PAX6: variants seen among roughly 807,000 people sequenced by gnomAD.
PAX6 encodes the protein paired box 6, also known as paired box protein Pax-6.
Under a neutral mutation model 60.7 loss-of-function variants are expected in PAX6, and 7 were observed. The observed-to-expected ratio is 0.12, with a 90% CI of 0.07 to 0.22. The LOEUF (loss-of-function observed/expected upper bound fraction) is 0.22, where lower values mean the gene tolerates loss of function less well. PAX6 is among the 10% of genes least tolerant of loss of function. The probability of loss-of-function intolerance (pLI) is 1.00; values close to 1 mark genes in which losing one functional copy is unlikely to be tolerated. For missense variants in PAX6, 355 were observed against 555.2 expected (o/e 0.64, Z 3.62); for synonymous variants, 208 against 201.2 (o/e 1.03, Z -0.29).
chr11:31,796,951 A>G (rs1351358278), intron 8 of PAX6, among the ~76,000 whole-genome samples: 1 of 152,080 alleles, frequency 6.6e-6, no homozygotes. Flanking sequence ...GTGCTAATTT[A>G]CTGCCCCAAG....
chr11:31,807,925 C>CAA (rs1565268475), intron 2 of PAX6: 43 of 151,482 alleles, frequency 2.8e-4, no homozygotes, highest in Non-Finnish European at 5.2e-4. Context: ...AAAAAAAAGT[C>CAA]TTTTGGGTGA....
chr11:31,793,372 A>G, intron 12 of PAX6, 66 bp downstream of exon 12: 4 of 1,360,740 alleles, frequency 2.9e-6, no homozygotes, highest in African/African-American at 1.4e-5. Context: ...TGAGGTCCGC[A>G]GGCCCTGAGC....
At chr11:31,802,024 C>T (rs1954077606) in intron 5 of PAX6, 112 bp from the exon 6 acceptor site, 1 of 887,042 alleles carries the variant, frequency 1.1e-6, no homozygotes, top group Non-Finnish European at 1.8e-6. Flanking sequence ...TACTTTCAAA[C>T]AATTTGAACT....
At chr11:31,795,881 C>A (rs1198506024) in intron 8 of PAX6, among the ~76,000 whole-genome samples, 1 of 152,214 alleles carries the variant, frequency 6.6e-6, no homozygotes, top group African/African-American at 2.4e-5. Context: ...AAATGACCCC[C>A]AAGGGATACC....
intron 4 of PAX6, chr11:31,803,408 T>C: frequency 6.3e-6 from 1 of 158,032 alleles, no homozygotes; most frequent in Non-Finnish European, 1.4e-5. Context: ...CTTACAGCCC[T>C]TGAGTGCTCC....
chr11:31,793,983 G>C (rs1443578461), intron 10 of PAX6, 49 bp downstream of exon 10: 10 of 1,365,054 alleles, frequency 7.3e-6, no homozygotes, highest in Non-Finnish European at 1.0e-5. Context: ...CTCTAGGAAA[G>C]ACAAATGGTA....
At chr11:31,799,137 C>T (rs996891032) in intron 8 of PAX6, among the ~76,000 whole-genome samples, 9 of 152,186 alleles carry the variant, frequency 5.9e-5, no homozygotes, top group Admixed American at 1.3e-4. Context: ...TTGGGTGTGT[C>T]CAGTGTCTAC....
intron 8 of PAX6, among the ~76,000 whole-genome samples, chr11:31,798,465 TAGGG>T (rs1952392009): frequency 6.6e-6 from 1 of 152,212 alleles, no homozygotes; most frequent in African/African-American, 2.4e-5. Flanking sequence ...GAAAGGGGGC[TAGGG>T]AGGGAGGGGG....
chr11:31,793,648 T>A lies in PAX6; in HGVS notation c.958+4A>T, dbSNP rs765926181. On this transcript the variant is annotated splice_donor_region_variant and intron_variant, in intron 11 of 13. Coordinates refer to ENST00000640368, the MANE Select transcript of PAX6 (RefSeq NM_001368894.2). ...TGATTCGTAGTATTAGTATTTCAAA[T>A]TACCCGGTGTGGTGGGTTGTGGAAT... is the stretch of plus-strand genomic sequence containing the variant. 7.1e-5 allele frequency: 114 copies of A among 1,614,116 alleles called. No homozygotes were observed. The highest frequency in any genetic ancestry group is 9.0e-5 in the Non-Finnish European group (106 of 1,180,036).
chr11:31,808,945 T>A (rs1956466067), intron 2 of PAX6: 1 of 152,266 alleles, frequency 6.6e-6, no homozygotes, highest in East Asian at 1.9e-4. Context: ...AACCACATCC[T>A]GAACGAAGGA....
chr11:31,790,918 C>T (rs1332098893), intron 12 of PAX6, 58 bp from the exon 13 acceptor site: 1 of 1,574,922 alleles, frequency 6.3e-7, no homozygotes, highest in Non-Finnish European at 8.7e-7. Flanking sequence ...AGCCACAGCC[C>T]CAGGCTCCCT....
At chr11:31,796,708 G>C (rs1052452633) in intron 8 of PAX6, among the ~76,000 whole-genome samples, 1 of 151,924 alleles carries the variant, frequency 6.6e-6, no homozygotes, top group Non-Finnish European at 1.5e-5. Context: ...AAACATAGAG[G>C]CTAGAAAGGT....
intron 5 of PAX6, chr11:31,802,279 A>G: frequency 3.1e-6 from 1 of 326,460 alleles, no homozygotes; most frequent in South Asian, 3.7e-5. Flanking sequence ...ATCAATATAT[A>G]TTATTCATAA....
chr11:31,811,817 T>G (rs1292575791), upstream of PAX6: 2 of 148,504 alleles, frequency 1.3e-5, no homozygotes, highest in Admixed American at 6.7e-5. Context: ...CCTGGCCCCT[T>G]GGAAGAAGAG....
At chr11:31,793,576 TAGTCAGAGTGAG>T in intron 11 of PAX6, 23 bp from the exon 12 acceptor site, 1 of 1,613,198 alleles carries the variant, frequency 6.2e-7, no homozygotes, top group South Asian at 1.1e-5. Flanking sequence ...GAAATGACAG[TAGTCAGAGTGAG>T]AGTCAGAGCC....
At chr11:31,798,008 C>G (rs61879809) in intron 8 of PAX6, among the ~76,000 whole-genome samples, 16 of 91,944 alleles carry the variant, frequency 1.7e-4, no homozygotes, top group Admixed American at 4.3e-4. Flanking sequence ...GAGAGAGAGA[C>G]AGAGAGAGAG....
chr11:31,801,534 G>A, intron 7 of PAX6, 27 bp downstream of exon 7: 2 of 1,613,966 alleles, frequency 1.2e-6, no homozygotes, highest in South Asian at 1.1e-5. Flanking sequence ...TTAGGGCAGG[G>A]AGGGCAGATG....
At chr11:31,801,468 C>T (rs1486488097) in intron 7 of PAX6, 93 bp downstream of exon 7, 1 of 1,600,780 alleles carries the variant, frequency 6.2e-7, no homozygotes, top group African/African-American at 1.3e-5. Flanking sequence ...AGGACACAGA[C>T]TAAGAGACAG....
At chr11:31,815,771 CAAAAAA>C (rs5790868), upstream of PAX6, among the ~76,000 whole-genome samples, 196 of 137,766 alleles carry the variant, frequency 1.4e-3, 1 homozygote, top group Non-Finnish European at 1.6e-4. Flanking sequence ...GCGCTATCTC[CAAAAAA>C]AAAAAAAAAA....
Sources: gnomAD v4.1 joint callset for allele counts (sites outside exome capture counted in the v4.1 genomes callset) on GRCh38, gnomAD v4.1.1 for gene constraint, MANE v1.5 for transcripts, NCBI Gene and HGNC (gene_info 2026-07-23, HGNC 2026-07-21) for gene names.